The following SFMBT2 variants were observed in gnomAD, a reference collection of about 807,000 sequenced individuals.
SFMBT2 encodes the protein Scm like with four mbt domains 2, also known as scm-like with four MBT domains protein 2.
Under a neutral mutation model 110.1 loss-of-function variants are expected in SFMBT2, and 38 were observed. That is an observed-to-expected ratio of 0.35 (90% confidence interval 0.27 to 0.45). The LOEUF (loss-of-function observed/expected upper bound fraction) is 0.45, where lower values mean the gene tolerates loss of function less well. SFMBT2 is among the 20% of genes least tolerant of loss of function. SFMBT2 has a pLI of 1.00. For synonymous variants in SFMBT2, 425 were observed against 425.4 expected (o/e 1.00, Z 0.01); for missense variants, 1,011 against 1,094.9 (o/e 0.92, Z 1.08).
intron 20 of SFMBT2, among the ~76,000 whole-genome samples, chr10:7,166,195 G>A (rs1344343056): frequency 2.0e-5 from 3 of 152,214 alleles, no homozygotes; most frequent in South Asian, 2.1e-4. Context: ...ACTTTCCCAG[G>A]AAGTTTACTT....
chr10:7,288,375 T>C (rs1842164443), intron 4 of SFMBT2, among the ~76,000 whole-genome samples: 1 of 152,222 alleles, frequency 6.6e-6, no homozygotes, highest in African/African-American at 2.4e-5. Context: ...CTTTTATCAC[T>C]AGATTTTTTC....
intron 4 of SFMBT2, among the ~76,000 whole-genome samples, chr10:7,315,079 A>AGAAG (rs1842965867): frequency 1.4e-5 from 2 of 145,616 alleles, no homozygotes; most frequent in African/African-American, 2.5e-5. Flanking sequence ...AAAGAAAGAA[A>AGAAG]GAAAGAAAGA....
intron 8 of SFMBT2, chr10:7,246,073 A>C: frequency 1.2e-5 from 9 of 740,624 alleles, no homozygotes; most frequent in Non-Finnish European, 1.3e-5. Flanking sequence ...AGAGGTGCCT[A>C]CCTAGGTTCT....
Position 7,229,652 on chromosome 10 carries a change from A to G in SFMBT2, c.1121-1715T>C, listed in dbSNP as rs373048173. Among the ~76,000 whole-genome samples, 14 of 151,028 alleles carry G rather than the reference A, an allele frequency of 9.3e-5. No homozygotes were observed. The South Asian group carries it at 2.9e-3, about 32-fold the overall frequency. On this transcript the variant is annotated intron_variant, in intron 9 of 20. Coordinates refer to ENST00000397167, the MANE Select transcript of SFMBT2 (RefSeq NM_001387889.1). The stretch of plus-strand genomic sequence containing the variant: ...GACACTGAAGATACTGGTTGCCTCC[A>G]CTTGTATTCCCAAGCAAAGAATACG...
Position 7,202,416 on chromosome 10 carries a change from C to T in SFMBT2, c.1487+64G>A, listed in dbSNP as rs1838984011. The T allele has an allele frequency of 3.1e-6, 5 of 1,601,916 alleles. No homozygotes were observed. The East Asian group carries it at 1.1e-4, about 36-fold the overall frequency. ...CAATAAAAACAGCCATGCTTCCCATCCTCCATAAAGACACTACAGTTTATC... is the reference window on the plus strand; with the variant it reads ...CAATAAAAACAGCCATGCTTCCCATTCTCCATAAAGACACTACAGTTTATC... On this transcript the variant is annotated intron_variant, in intron 13 of 20. Coordinates refer to ENST00000397167, the MANE Select transcript of SFMBT2 (RefSeq NM_001387889.1).
intron 1 of SFMBT2, among the ~76,000 whole-genome samples, chr10:7,399,589 T>A (rs1337362779): frequency 6.6e-6 from 1 of 152,074 alleles, no homozygotes; most frequent in Non-Finnish European, 1.5e-5. Context: ...TTTACTAGAG[T>A]CTTCCTGAAA....
At chr10:7,167,958 C>T (rs1837741416) in intron 20 of SFMBT2, among the ~76,000 whole-genome samples, 2 of 152,044 alleles carry the variant, frequency 1.3e-5, no homozygotes, top group African/African-American at 4.8e-5. Context: ...ATTCCAGCTA[C>T]TCAGGAGGCT....
intron 1 of SFMBT2, among the ~76,000 whole-genome samples, chr10:7,394,661 T>C (rs1031380616): frequency 1.3e-5 from 2 of 152,134 alleles, no homozygotes; most frequent in African/African-American, 4.8e-5. Context: ...GCCTTCATTT[T>C]CTATGTATTT....
Position 7,170,200 on chromosome 10 carries a change from C to G in SFMBT2, c.2544+728G>C, listed in dbSNP as rs1837829255. Among the ~76,000 whole-genome samples the G allele has an allele frequency of 6.6e-6, 1 of 152,194 alleles. No individual in the cohort carries two copies. Among genetic ancestry groups the G allele is most frequent in the South Asian group, 2.1e-4 (1 of 4,834 alleles). On this transcript the variant is annotated intron_variant, in intron 20 of 20. Transcript: ENST00000397167. This position sits in a 1 kb window ranked among gnomAD's most constrained non-coding sequence, Gnocchi z 4.6. ...AGCTGACAGCACAGTGCTGAGCTCT[C>G]TGGTTGTTGTGGTTGCTGTTTGTGT...
At position 7,163,618 on chromosome 10, in the gene SFMBT2, C is replaced by T. The variant is rs1837609776; in HGVS notation, c.*152G>A. 4 of 660,996 alleles carry T rather than the reference C, an allele frequency of 6.1e-6. No individual in the cohort carries two copies. The Admixed American group carries it at 8.9e-5, about 15-fold the overall frequency. 40.9% of individuals were successfully genotyped at this position (660,996 alleles called of 1,614,324 possible). ...TGAAAACATGGAAACAGCTCACAGG[C>T]TGGCGGAGGCAGAAGATCCTGGGCT... On this transcript the variant is annotated 3_prime_UTR_variant, in exon 21 of 21. Transcript: ENST00000397167. This position sits in a 1 kb window ranked among gnomAD's most constrained non-coding sequence, Gnocchi z 4.8.
At chr10:7,192,667 G>A (rs990588575) in intron 15 of SFMBT2, among the ~76,000 whole-genome samples, 7 of 152,140 alleles carry the variant, frequency 4.6e-5, no homozygotes, top group African/African-American at 1.4e-4. Context: ...AATCGAAACC[G>A]TAAATAACAG....
At position 7,319,714 on chromosome 10, in the gene SFMBT2, G is replaced by A. The variant is rs1319650051; in HGVS notation, c.437-33760C>T. Among the ~76,000 whole-genome samples the A allele has an allele frequency of 4.6e-5, 7 of 151,046 alleles. 1 individual carries two copies. Among genetic ancestry groups the A allele is most frequent in the Admixed American group, 4.6e-4 (7 of 15,146 alleles). On this transcript the variant is annotated intron_variant, in intron 4 of 20. Coordinates refer to ENST00000397167, the MANE Select transcript of SFMBT2 (RefSeq NM_001387889.1). ...AGAGACTGAGAGACAGAGATAGACT[G>A]AAAGAGACAGAGAGAGAGGAAGATA...
At chr10:7,229,594 CAA>C (rs527488752) in intron 9 of SFMBT2, among the ~76,000 whole-genome samples, 9 of 116,458 alleles carry the variant, frequency 7.7e-5, no homozygotes, top group Non-Finnish European at 7.1e-5. Context: ...GACTCCATCT[CAA>C]AAAAAAAAAA....
intron 16 of SFMBT2, among the ~76,000 whole-genome samples, chr10:7,179,454 T>C (rs1204579220): frequency 6.8e-6 from 1 of 147,768 alleles, no homozygotes; most frequent in East Asian, 2.0e-4. Flanking sequence ...CGTATGTTCC[T>C]CGTGTTGTGG....
At chr10:7,281,707 G>A (rs940862846) in intron 6 of SFMBT2, among the ~76,000 whole-genome samples, 2 of 152,140 alleles carry the variant, frequency 1.3e-5, no homozygotes, top group Admixed American at 1.3e-4. Context: ...TGAAACTACT[G>A]GATCTGAGGA....
rs201124464 is a variant in SFMBT2, at chr10:7,197,529, G to A, written c.1698+19C>T. 2.5e-5 allele frequency: 40 copies of A among 1,608,984 alleles called. No homozygotes were observed. Among genetic ancestry groups the A allele is most frequent in the Non-Finnish European group, 3.3e-5 (39 of 1,176,946 alleles). On this transcript the variant is annotated intron_variant, in intron 15 of 20. Coordinates refer to ENST00000397167, the MANE Select transcript of SFMBT2 (RefSeq NM_001387889.1). Reference sequence around the variant, plus strand: ...AAATCCTGTTAAAATAAGCCAAGGTGATTGTGCACGGGCTTTACCTCTTTA... The same window carrying A: ...AAATCCTGTTAAAATAAGCCAAGGTAATTGTGCACGGGCTTTACCTCTTTA...
chr10:7,316,531 G>A (rs980200668), intron 4 of SFMBT2, among the ~76,000 whole-genome samples: 1 of 152,168 alleles, frequency 6.6e-6, no homozygotes, highest in East Asian at 1.9e-4. Flanking sequence ...GGCCAGCCAC[G>A]GGGTCCCCAA....
At chr10:7,190,344 A>G (rs1838557908) in intron 15 of SFMBT2, among the ~76,000 whole-genome samples, 1 of 152,252 alleles carries the variant, frequency 6.6e-6, no homozygotes, top group South Asian at 2.1e-4. Context: ...AAATTTCAAC[A>G]GATTCTTTTC....
intron 1 of SFMBT2, among the ~76,000 whole-genome samples, chr10:7,406,685 A>G (rs1398569793): frequency 1.3e-5 from 2 of 152,242 alleles, no homozygotes; most frequent in Non-Finnish European, 2.9e-5. Flanking sequence ...GTCTGCAAGA[A>G]CGCAGGAAGA....
Sources: gnomAD v4.1 joint callset for allele counts (sites outside exome capture counted in the v4.1 genomes callset) on GRCh38, gnomAD v4.1.1 for gene constraint, Gnocchi (gnomAD v3.1) non-coding constraint, MANE v1.5 for transcripts, NCBI Gene and HGNC (gene_info 2026-07-23, HGNC 2026-07-21) for gene names.